Variants in LRMDA observed in about 807,000 individuals in gnomAD.
The protein encoded by LRMDA is leucine rich melanocyte differentiation associated.
Under a neutral mutation model 29.8 loss-of-function variants are expected in LRMDA, and 18 were observed. The ratio of observed to expected loss-of-function variants is 0.60; its 90% CI spans 0.42 to 0.90. The LOEUF (loss-of-function observed/expected upper bound fraction) is 0.90, where lower values mean the gene tolerates loss of function less well. LRMDA is among the 40% of genes least tolerant of loss of function. LRMDA has a pLI of 0.00. For missense variants in LRMDA, 273 were observed against 273.9 expected, an observed-to-expected ratio of 1.00 and a Z score of 0.02; for synonymous variants, 125 against 109.4, an observed-to-expected ratio of 1.14 and a Z score of -0.89.
At chr10:76,233,079 C>T (rs1272453443) in intron 5 of LRMDA, among the ~76,000 whole-genome samples, 3 of 152,198 alleles carry the variant, frequency 2.0e-5, no homozygotes, top group Non-Finnish European at 2.9e-5. Flanking sequence ...TGTAGCTTGG[C>T]TTTCAGGCTT....
intron 5 of LRMDA, among the ~76,000 whole-genome samples, chr10:76,239,367 G>T (rs1852225997): frequency 6.6e-6 from 1 of 152,116 alleles, no homozygotes; most frequent in African/African-American, 2.4e-5. Flanking sequence ...ACTAAAAAAA[G>T]AATAATAATT....
At chr10:75,621,213 C>CAT (rs1405449592) in intron 2 of LRMDA, among the ~76,000 whole-genome samples, 4 of 125,940 alleles carry the variant, frequency 3.2e-5, no homozygotes, top group Non-Finnish European at 7.1e-5. Flanking sequence ...CACACACACA[C>CAT]ACACACACAC....
At chr10:76,463,556 C>T (rs1225106968) in intron 6 of LRMDA, among the ~76,000 whole-genome samples, 1 of 152,140 alleles carries the variant, frequency 6.6e-6, no homozygotes, top group African/African-American at 2.4e-5. Flanking sequence ...AGCAACATGG[C>T]TTTCACTGCA....
chr10:75,478,586 T>A (rs1043468000), intron 2 of LRMDA, among the ~76,000 whole-genome samples: 1 of 152,232 alleles, frequency 6.6e-6, no homozygotes, highest in East Asian at 1.9e-4. Flanking sequence ...GGAAGTTGAC[T>A]GATTTTAATG....
At chr10:76,150,169 G>A (rs892572461) in intron 5 of LRMDA, among the ~76,000 whole-genome samples, 4 of 152,204 alleles carry the variant, frequency 2.6e-5, no homozygotes, top group Admixed American at 1.3e-4. Context: ...AAGCCCCTCC[G>A]CGCTACACAC....
chr10:75,611,310 C>T (rs1408505232), intron 2 of LRMDA, among the ~76,000 whole-genome samples: 1 of 152,170 alleles, frequency 6.6e-6, no homozygotes, highest in Non-Finnish European at 1.5e-5. Context: ...TCGGAGTCCA[C>T]AGTGGGTGTG....
At chr10:76,458,770 C>T (rs950107506) in intron 6 of LRMDA, among the ~76,000 whole-genome samples, 2 of 152,132 alleles carry the variant, frequency 1.3e-5, no homozygotes. Flanking sequence ...GGCTACAGTG[C>T]ATTATTTTGT....
At chr10:76,385,191 G>C (rs759983653) in intron 6 of LRMDA, among the ~76,000 whole-genome samples, 2 of 152,178 alleles carry the variant, frequency 1.3e-5, no homozygotes, top group African/African-American at 2.4e-5. Flanking sequence ...TACGGAATTG[G>C]CTTTCAGTTG....
At chr10:75,921,619 T>C (rs1846026233) in intron 2 of LRMDA, among the ~76,000 whole-genome samples, 1 of 152,228 alleles carries the variant, frequency 6.6e-6, no homozygotes, top group Admixed American at 6.5e-5. Flanking sequence ...TCTGTGTGCA[T>C]GCATGTGTGC....
chr10:76,273,934 T>C (rs1014590257), intron 5 of LRMDA, among the ~76,000 whole-genome samples: 11 of 152,216 alleles, frequency 7.2e-5, no homozygotes, highest in Non-Finnish European at 1.3e-4. Context: ...AATATCTTTA[T>C]TTTCTTTTAT....
Position 75,983,171 on chromosome 10 carries a change from C to G in LRMDA, c.132-52837C>G, listed in dbSNP as rs76297023. On this transcript the variant is annotated intron_variant, in intron 2 of 6. Transcript: ENST00000611255. ...AGATGTGAGTAATGTGGGCATCCAGCCATCGAAGCCTGCCAGGACAGTTTT... is the reference window on the plus strand; with the variant it reads ...AGATGTGAGTAATGTGGGCATCCAGGCATCGAAGCCTGCCAGGACAGTTTT... Among the ~76,000 whole-genome samples, 865 of 152,290 alleles carry G rather than the reference C, an allele frequency of 5.7e-3. 39 individuals carry two copies. The East Asian group carries it at 0.13, about 23-fold the overall frequency.
chr10:75,740,705 A>G (rs1357510909), intron 2 of LRMDA, among the ~76,000 whole-genome samples: 1 of 152,134 alleles, frequency 6.6e-6, no homozygotes, highest in Non-Finnish European at 1.5e-5. Context: ...GAATCCCAAC[A>G]TCTGTTGATC....
At chr10:76,491,709 A>G (rs1842835359) in intron 6 of LRMDA, among the ~76,000 whole-genome samples, 1 of 151,906 alleles carries the variant, frequency 6.6e-6, no homozygotes, top group Admixed American at 6.6e-5. Context: ...TTGAATATTG[A>G]TAGCTTTCTC....
intron 2 of LRMDA, among the ~76,000 whole-genome samples, chr10:75,793,586 G>T (rs754654299): frequency 4.6e-5 from 7 of 152,176 alleles, no homozygotes; most frequent in Non-Finnish European, 1.0e-4. Flanking sequence ...GTATTTTCTG[G>T]TCCCCTTGTG....
At chr10:76,075,914 T>C (rs1797934506) in intron 5 of LRMDA, among the ~76,000 whole-genome samples, 1 of 152,188 alleles carries the variant, frequency 6.6e-6, no homozygotes, top group Admixed American at 6.5e-5. Flanking sequence ...TAAATGAGTG[T>C]CTGCCTTAGT....
intron 2 of LRMDA, among the ~76,000 whole-genome samples, chr10:75,545,039 C>T (rs11001417): frequency 0.51 from 77,500 of 151,762 alleles, 22,325 homozygotes; most frequent in Non-Finnish European, 0.64. Flanking sequence ...TTCAGAGAAG[C>T]GGTTCTCAGT....
Position 75,697,850 on chromosome 10 carries a change from T to TGTGTGTGTGTGTGTGTGCGC in LRMDA, c.131+259357_131+259358insTGTGTGTGTGTGTGTGCGCG, listed in dbSNP as rs10664076. ...GCATGTAAGAGTGTGTGTGTGTGTGTGCGTGTGTGTGTGTGTCTCATTCGC... is the reference window on the plus strand; with the variant it reads ...GCATGTAAGAGTGTGTGTGTGTGTGTGTGTGTGTGTGTGTGTGCGCGCGTGTGTGTGTGTGTCTCATTCGC... On this transcript the variant is annotated intron_variant, in intron 2 of 6. Transcript: ENST00000611255. Among the ~76,000 whole-genome samples the TGTGTGTGTGTGTGTGTGCGC allele has an allele frequency of 1.7e-3, 253 of 151,704 alleles. 1 individual carries two copies. Among genetic ancestry groups the TGTGTGTGTGTGTGTGTGCGC allele is most frequent in the African/African-American group, 5.5e-3 (226 of 41,206 alleles).
chr10:76,255,698 C>CA (rs1852581489), intron 5 of LRMDA, among the ~76,000 whole-genome samples: 1 of 151,972 alleles, frequency 6.6e-6, no homozygotes, highest in South Asian at 2.1e-4. Context: ...CAGCATGGAG[C>CA]AAAATAGATT....
chr10:76,507,387 T>C (rs1168323227), intron 6 of LRMDA, among the ~76,000 whole-genome samples: 1 of 151,998 alleles, frequency 6.6e-6, no homozygotes, highest in East Asian at 1.9e-4. Context: ...TTTTCTCCTA[T>C]TTTGTAGGTT....
Sources: allele counts gnomAD v4.1 joint callset (sites outside exome capture counted in the v4.1 genomes callset), GRCh38; gene constraint gnomAD v4.1.1; transcripts MANE v1.5; gene names NCBI Gene and HGNC (gene_info 2026-07-23, HGNC 2026-07-21).